Variants in KMT2C observed in about 807,000 individuals in gnomAD.
KMT2C encodes the protein lysine methyltransferase 2C.
A neutral mutation model predicts 507.9 loss-of-function variants in KMT2C; 88 were observed. The ratio of observed to expected loss-of-function variants is 0.17; its 90% CI spans 0.15 to 0.21. The LOEUF is 0.21. Ranked by LOEUF, KMT2C falls within the 10% of genes least tolerant of loss-of-function variation. The pLI is 1.00. For synonymous variants in KMT2C, 2,049 were observed against 2,080.8 expected, an observed-to-expected ratio of 0.98 and a Z score of 0.42; for missense variants, 4,954 against 5,957.8, an observed-to-expected ratio of 0.83 and a Z score of 5.55.
At chr7:152,374,306 ACT>A (rs71909161) in intron 1 of KMT2C, among the ~76,000 whole-genome samples, 1,825 of 151,566 alleles carry the variant, frequency 0.012, 39 homozygotes, top group African/African-American at 0.042. Context: ...AGAGAGCAAG[ACT>A]CTGTCTCAAA....
At chr7:152,171,184 G>A in intron 40 of KMT2C, 80 bp downstream of exon 40, 1 of 884,532 alleles carries the variant, frequency 1.1e-6, no homozygotes, top group South Asian at 1.8e-5. Context: ...CTCTCTAGCA[G>A]GGGACTTACT....
chr7:152,320,041 GTCTTT>G (rs950346350), intron 3 of KMT2C, among the ~76,000 whole-genome samples: 66 of 152,082 alleles, frequency 4.3e-4, no homozygotes, highest in African/African-American at 1.4e-3. Flanking sequence ...GGGCCCAGCT[GTCTTT>G]TCTTTTATCT....
intron 22 of KMT2C, among the ~76,000 whole-genome samples, chr7:152,221,171 C>T (rs1203084400): frequency 6.6e-6 from 1 of 152,154 alleles, no homozygotes; most frequent in Non-Finnish European, 1.5e-5. Context: ...GCAGGAGAAT[C>T]GCTTGAACCC....
rs976308768 is a variant in KMT2C at position 152,151,704 on chromosome 7, T to TA, written c.12527-124dup. ...TTCATTAACATTATTCTTTAATTAA[T>TA]AAAAAAAATTTATCTTCTAAGCAAT... On this transcript the variant is annotated intron_variant, in intron 49 of 58. Transcript: ENST00000262189. The TA allele has an allele frequency of 1.1e-5, 7 of 663,284 alleles. No homozygotes were observed. In the Admixed American group the frequency reaches 1.1e-4, roughly 10 times the overall value. 41.1% of individuals were successfully genotyped at this position (663,284 alleles called of 1,614,324 possible).
At chr7:152,403,702 A>C (rs2097585755) in intron 1 of KMT2C, among the ~76,000 whole-genome samples, 4 of 150,484 alleles carry the variant, frequency 2.7e-5, no homozygotes, top group African/African-American at 1.0e-4. Context: ...GGATAAAGAA[A>C]AACTGGGACA....
chr7:152,171,165 CTAG>C, intron 40 of KMT2C, 96 bp downstream of exon 40: 1 of 709,910 alleles, frequency 1.4e-6, no homozygotes, highest in South Asian at 2.4e-5. Flanking sequence ...CTGCACAAAC[CTAG>C]TACTACTCTC....
chr7:152,421,555 C>G (rs1163302548), intron 1 of KMT2C, among the ~76,000 whole-genome samples: 1 of 152,120 alleles, frequency 6.6e-6, no homozygotes, highest in Non-Finnish European at 1.5e-5. Context: ...GAATACTGTG[C>G]AGCCATAAAA....
At position 152,346,068 on chromosome 7, in the gene KMT2C, G is replaced by A. The variant is rs938453231; in HGVS notation, c.250+12519C>T. Among the ~76,000 whole-genome samples, 3 of 152,172 alleles carry A rather than the reference G, an allele frequency of 2.0e-5. No individual in the cohort carries two copies. In the East Asian group the frequency reaches 5.8e-4, roughly 29 times the overall value. ...GGGTTAATTCCCAAGACATCAGTGT[G>A]TCTAAACAGAACATCAAAATATGTG... is the stretch of plus-strand genomic sequence containing the variant. On this transcript the variant is annotated intron_variant, in intron 2 of 58. Transcript: ENST00000262189.
intron 1 of KMT2C, among the ~76,000 whole-genome samples, chr7:152,376,883 G>GA (rs2097332278): frequency 6.6e-6 from 1 of 152,262 alleles, no homozygotes; most frequent in African/African-American, 2.4e-5. Context: ...GCTAGAGAGG[G>GA]AAAATCAATG....
In KMT2C at chr7:152,136,777, T is replaced by C; in HGVS notation, c.*55A>G. On this transcript the variant is annotated 3_prime_UTR_variant, in exon 59 of 59. Coordinates refer to ENST00000262189, the MANE Select transcript of KMT2C (RefSeq NM_170606.3). ...CTGTCTGCAAAATTCCAATGGTGTG[T>C]TGAATCGCCTCTTCCTAGGGACAAG... is the stretch of plus-strand genomic sequence containing the variant. 8.1e-7 allele frequency: 1 copy of C among 1,231,436 alleles called. No individual in the cohort carries two copies. Among genetic ancestry groups the C allele is most frequent in the Non-Finnish European group, 1.2e-6 (1 of 833,492 alleles). The allele number at this position is 1,231,436 out of a possible 1,614,324, so 76.3% of individuals were successfully genotyped here.
At chr7:152,231,579 G>A (rs1186356510) in intron 16 of KMT2C, among the ~76,000 whole-genome samples, 8 of 152,220 alleles carry the variant, frequency 5.3e-5, no homozygotes, top group African/African-American at 1.7e-4. Context: ...TCAGGAGTTC[G>A]AGACCAGCCT....
chr7:152,239,373 T>C (rs1195399505), intron 14 of KMT2C, among the ~76,000 whole-genome samples: 2 of 152,172 alleles, frequency 1.3e-5, no homozygotes, highest in African/African-American at 4.8e-5. Context: ...AACATTAAAA[T>C]GCAAATACCA....
At chr7:152,423,609 T>C (rs915313139) in intron 1 of KMT2C, among the ~76,000 whole-genome samples, 1 of 152,206 alleles carries the variant, frequency 6.6e-6, no homozygotes, top group Non-Finnish European at 1.5e-5. Flanking sequence ...ACACTCCTGA[T>C]GACTTTGCAG....
intron 23 of KMT2C, among the ~76,000 whole-genome samples, chr7:152,214,182 T>A (rs1302428514): frequency 6.7e-6 from 1 of 150,002 alleles, no homozygotes; most frequent in Non-Finnish European, 1.5e-5. Context: ...AAAAAAAAAC[T>A]ACCACCATAA....
rs1374600632 is a variant in KMT2C at position 152,181,320 on chromosome 7, G to A, written c.6540C>T (p.Thr2180=). 40 of 1,612,052 alleles carry A rather than the reference G, an allele frequency of 2.5e-5. No homozygotes were observed. The highest frequency in any genetic ancestry group is 3.3e-5 in the Non-Finnish European group (39 of 1,179,346). Residue 2180 remains threonine (T), a synonymous_variant, in exon 36 of 59, where the codon ACC becomes ACT. Coordinates refer to ENST00000262189, the MANE Select transcript of KMT2C (RefSeq NM_170606.3). ...AGTCAGTTTGTGTAGATGGTCTTGG[G>A]GTTTGGGGCTGCTGACTATATGGGT... is the stretch of plus-strand genomic sequence containing the variant. ...TVDPYSQQPQ[T]PRPSTQTDLF...
At chr7:152,248,915 C>T (rs2095518652) in intron 13 of KMT2C, among the ~76,000 whole-genome samples, 1 of 152,026 alleles carries the variant, frequency 6.6e-6, no homozygotes, top group South Asian at 2.1e-4. Flanking sequence ...AAATGAGGAT[C>T]AATCATGTTA....
intron 1 of KMT2C, among the ~76,000 whole-genome samples, chr7:152,407,798 A>G (rs1342038166): frequency 6.6e-6 from 1 of 152,306 alleles, no homozygotes; most frequent in Non-Finnish European, 1.5e-5. Context: ...ATACGTGCCC[A>G]AAACAACTAT....
Position 152,174,241 on chromosome 7 carries a change from A to C in KMT2C, c.9264T>G (p.Asp3088Glu). 6.7e-7 allele frequency: 1 copy of C among 1,493,194 alleles called. No homozygotes were observed. Among genetic ancestry groups the C allele is most frequent in the Non-Finnish European group, 9.3e-7 (1 of 1,077,624 alleles). 92.5% of individuals were successfully genotyped at this position (1,493,194 alleles called of 1,614,324 possible). ...QRSEPFFPNI[D>E]FDAITDPIMK... is the part of the protein sequence containing the mutation. ...TTATAGGATCTGTAATTGCATCAAA[A>C]TCTAGAAAAGAAATATAAAGTTACT... The change falls in exon 39 of 59, where the codon GAT (aspartate) becomes GAG (glutamate). Residue 3088 changes from aspartate (D) to glutamate (E), a missense_variant and splice_region_variant. This residue lies in a region of KMT2C where 1,689 missense variants were observed against 1,654.3 expected (regional missense o/e 1.02). Transcript: ENST00000262189.
Position 152,180,080 on chromosome 7 carries a change from T to A in KMT2C, c.7196A>T (p.Lys2399Met), listed in dbSNP as rs2093380146. 2.5e-6 allele frequency: 4 copies of A among 1,614,068 alleles called. No individual in the cohort carries two copies. Among genetic ancestry groups the A allele is most frequent in the Non-Finnish European group, 2.5e-6 (3 of 1,180,034 alleles). Residue 2399 changes from lysine (K) to methionine (M), a missense_variant, in exon 37 of 59, where the codon AAG becomes ATG. By Grantham distance (95) the Lys-to-Met change is moderately conservative. Around this residue, in one of 29 missense-constraint regions of KMT2C, gnomAD observed 1,689 missense variants for 1,654.3 expected, o/e 1.02. Transcript: ENST00000262189. Reference sequence around the variant, plus strand: ...CCCCTTCTCCTGTCGACCTGCAATCTTCTTCTGCTGTTGCTGCTGGAGAAT... The same window carrying A: ...CCCCTTCTCCTGTCGACCTGCAATCATCTTCTGCTGTTGCTGCTGGAGAAT... ...EIILQQQQQK[K>M]IAGRQEKGSQ... is the part of the protein sequence containing the mutation.
Sources: allele counts gnomAD v4.1 joint callset (sites outside exome capture counted in the v4.1 genomes callset), GRCh38; gene constraint gnomAD v4.1.1; regional missense constraint gnomAD v4.1.1; transcripts MANE v1.5; gene names NCBI Gene and HGNC (gene_info 2026-07-23, HGNC 2026-07-21).